The following TRIO variants were observed in gnomAD, a reference collection of about 807,000 sequenced individuals.
TRIO encodes triple functional domain protein.
TRIO carries 58 observed loss-of-function variants against 351.9 expected under a neutral mutation model. The ratio of observed to expected loss-of-function variants is 0.16; its 90% CI spans 0.13 to 0.21. TRIO has a LOEUF of 0.21. Among genes scored for constraint, TRIO ranks in the 10% least tolerant of loss-of-function variants. The probability of loss-of-function intolerance (pLI) is 1.00; values close to 1 mark genes in which losing one functional copy is unlikely to be tolerated. For missense variants in TRIO, 3,201 were observed against 4,027.8 expected, an observed-to-expected ratio of 0.79 and a Z score of 5.56; for synonymous variants, 1,758 against 1,595.7, an observed-to-expected ratio of 1.10 and a Z score of -2.42.
At position 14,296,379 on chromosome 5, in the gene TRIO, A is replaced by G. The variant is rs141946372; in HGVS notation, c.1177-693A>G. Among the ~76,000 whole-genome samples the G allele has an allele frequency of 2.5e-4, 38 of 152,372 alleles. No homozygotes were observed. In the East Asian group the frequency reaches 4.8e-3, roughly 19 times the overall value. On this transcript the variant is annotated intron_variant, in intron 6 of 56. Transcript: ENST00000344204. The stretch of plus-strand genomic sequence containing the variant: ...CTTTGGAGGTGGAAAGGGAAACTCC[A>G]TATGAGAGCTTGTTCTGCAAAAAGG...
chr5:14,206,039 T>C (rs1445234126), intron 1 of TRIO, among the ~76,000 whole-genome samples: 6 of 151,970 alleles, frequency 3.9e-5, no homozygotes, highest in Non-Finnish European at 8.8e-5. Flanking sequence ...CGGCCAAATA[T>C]TTTTCATTTT....
chr5:14,323,967 C>T (rs1740136409), intron 9 of TRIO, among the ~76,000 whole-genome samples: 1 of 152,158 alleles, frequency 6.6e-6, no homozygotes, highest in African/African-American at 2.4e-5. Flanking sequence ...TTGGTTTAAC[C>T]GATCTGAAAT....
At chr5:14,178,006 C>T (rs1451756513) in intron 1 of TRIO, among the ~76,000 whole-genome samples, 1 of 152,164 alleles carries the variant, frequency 6.6e-6, no homozygotes, top group East Asian at 1.9e-4. Context: ...TTTAATATTA[C>T]AGATACTGTT....
intron 7 of TRIO, among the ~76,000 whole-genome samples, chr5:14,298,323 G>A (rs552335281): frequency 2.0e-5 from 3 of 152,252 alleles, no homozygotes; most frequent in South Asian, 2.1e-4. Flanking sequence ...GTTTATTATC[G>A]GAAGGTGAGC....
intron 5 of TRIO, 50 bp from the exon 6 acceptor site, chr5:14,292,962 G>GT (rs1334447336): frequency 1.2e-6 from 2 of 1,611,858 alleles, no homozygotes; most frequent in Non-Finnish European, 1.7e-6. Context: ...GCTTGTGTCA[G>GT]TAATTTCTCT....
chr5:14,144,939 C>T (rs1581224128), intron 1 of TRIO, among the ~76,000 whole-genome samples: 1 of 16,128 alleles, frequency 6.2e-5, no homozygotes, highest in African/African-American at 2.4e-3. Flanking sequence ...GGGGCCGGCA[C>T]CCAGAGCGCA....
At position 14,479,930 on chromosome 5, in the gene TRIO, G is replaced by A. The variant is rs755380100; in HGVS notation, c.6255G>A (p.Gln2085=). ...TCTTAAAACTGTAGGACTTAAAGCA[G>A]CGTCTTGGCCACAGGTTACAGCTCA... ...YIDTFFEDLK[Q]RLGHRLQLTD... Residue 2085 remains glutamine (Q), a synonymous_variant, in exon 43 of 57, where the codon CAG becomes CAA. Transcript: ENST00000344204. The A allele has an allele frequency of 1.4e-5, 23 of 1,613,934 alleles. No homozygotes were observed. The highest frequency in any genetic ancestry group is 2.7e-5 in the African/African-American group (2 of 74,926).
intron 2 of TRIO, among the ~76,000 whole-genome samples, chr5:14,278,738 T>C (rs1735747582): frequency 1.3e-5 from 2 of 152,214 alleles, no homozygotes; most frequent in Admixed American, 1.3e-4. Context: ...AAAAATCATA[T>C]CAGATGTTTC....
At chr5:14,484,772 C>T (rs756383338) in intron 46 of TRIO, among the ~76,000 whole-genome samples, 1 of 152,144 alleles carries the variant, frequency 6.6e-6, no homozygotes. Flanking sequence ...ACTTCCCCAC[C>T]CCCAAGCCCC....
rs1753613609 is a variant in TRIO, at chr5:14,459,537, T to C, written c.5204-1482T>C. ...GTACAGTAGACGTCACACAAGTCCA[T>C]GGATTGGCTGAGTGTCTGCTGTCAC... On this transcript the variant is annotated intron_variant, in intron 34 of 56. Transcript: ENST00000344204. 1.3e-5 allele frequency among the ~76,000 whole-genome samples: 2 copies of C among 152,200 alleles called. 1 individual carries two copies. The highest frequency in any genetic ancestry group is 4.1e-4 in the South Asian group (2 of 4,828).
At chr5:14,364,233 T>A (rs901607830) in intron 14 of TRIO, among the ~76,000 whole-genome samples, 1 of 152,226 alleles carries the variant, frequency 6.6e-6, no homozygotes, top group Non-Finnish European at 1.5e-5. Flanking sequence ...CATTCTTTAT[T>A]TTTTTAGTTT....
intron 13 of TRIO, among the ~76,000 whole-genome samples, chr5:14,361,540 T>G (rs1242827496): frequency 6.6e-6 from 1 of 152,240 alleles, no homozygotes; most frequent in Non-Finnish European, 1.5e-5. Flanking sequence ...AGGTTTCCTC[T>G]GTTATCCAGG....
Position 14,286,817 on chromosome 5 carries a change from G to A in TRIO, c.348-54G>A. 1.3e-6 allele frequency: 2 copies of A among 1,566,150 alleles called. No individual in the cohort carries two copies. Among genetic ancestry groups the A allele is most frequent in the Non-Finnish European group, 1.7e-6 (2 of 1,154,846 alleles). On this transcript the variant is annotated intron_variant, in intron 3 of 56. Transcript: ENST00000344204. This position sits in a 1 kb window ranked among gnomAD's most constrained non-coding sequence, Gnocchi z 4.4. ...GTGGCACCCAGTGGGACTCTGACCA[G>A]GCAGAGTGGCAAGAGATGTAACCCG...
intron 1 of TRIO, among the ~76,000 whole-genome samples, chr5:14,162,690 G>A (rs1447892944): frequency 3.9e-5 from 6 of 152,174 alleles, no homozygotes; most frequent in East Asian, 1.9e-4. Flanking sequence ...GATGATAATC[G>A]TATTCCTTTG....
At chr5:14,217,733 T>C (rs764191146) in intron 1 of TRIO, among the ~76,000 whole-genome samples, 1 of 152,184 alleles carries the variant, frequency 6.6e-6, no homozygotes, top group Non-Finnish European at 1.5e-5. Context: ...CAGCCCTGTG[T>C]GGCTGTCCTG....
intron 1 of TRIO, among the ~76,000 whole-genome samples, chr5:14,255,322 G>T (rs1458564534): frequency 1.3e-5 from 2 of 152,212 alleles, no homozygotes; most frequent in East Asian, 3.8e-4. Flanking sequence ...TTGGGTTCTC[G>T]GGTAGTGGAT....
At chr5:14,318,405 A>G (rs1739572094) in intron 9 of TRIO, among the ~76,000 whole-genome samples, 1 of 151,246 alleles carries the variant, frequency 6.6e-6, no homozygotes, top group Non-Finnish European at 1.5e-5. Context: ...CAGTGAACCA[A>G]GATCACACAA....
At position 14,443,376 on chromosome 5, in the gene TRIO, A is replaced by G. The variant is rs1243524583; in HGVS notation, c.5204-17643A>G. ...CCCATCCTTTTCTAACGCTTATAGT[A>G]ATTTCAAGACAATTTCCTGAATGCT... On this transcript the variant is annotated intron_variant, in intron 34 of 56. Transcript: ENST00000344204. Among the ~76,000 whole-genome samples the G allele has an allele frequency of 4.6e-5, 7 of 152,346 alleles. No homozygotes were observed. The East Asian group carries it at 1.3e-3, about 29-fold the overall frequency.
intron 1 of TRIO, among the ~76,000 whole-genome samples, chr5:14,246,489 G>A (rs1368926235): frequency 6.6e-6 from 1 of 152,196 alleles, no homozygotes; most frequent in Non-Finnish European, 1.5e-5. Context: ...GGCAGACCCT[G>A]TGGCTGTCAC....
Sources: allele counts gnomAD v4.1 joint callset (sites outside exome capture counted in the v4.1 genomes callset), GRCh38; gene constraint gnomAD v4.1.1; non-coding constraint Gnocchi (gnomAD v3.1); transcripts MANE v1.5; gene names NCBI Gene and HGNC (gene_info 2026-07-23, HGNC 2026-07-21).